Variants in TACR3 observed in about 807,000 individuals in gnomAD.
The protein encoded by TACR3 is tachykinin receptor 3, also known as neuromedin-K receptor.
A neutral mutation model predicts 35.0 loss-of-function variants in TACR3; 34 were observed. The ratio of observed to expected loss-of-function variants is 0.97; its 90% CI spans 0.74 to 1.30. TACR3 has a LOEUF of 1.30. TACR3 is among the 50% of genes most tolerant of loss of function. The pLI, the probability that TACR3 is intolerant of heterozygous loss-of-function variation, is 0.00. For synonymous variants in TACR3, 233 were observed against 221.1 expected, an observed-to-expected ratio of 1.05 and a Z score of -0.48; for missense variants, 558 against 591.7, an observed-to-expected ratio of 0.94 and a Z score of 0.59.
chr4:103,640,007 G>C (rs949280242), intron 3 of TACR3, among the ~76,000 whole-genome samples: 41 of 152,114 alleles, frequency 2.7e-4, no homozygotes, highest in African/African-American at 9.6e-4. Flanking sequence ...ATAGGGCAAA[G>C]TAAGTGAAGA....
chr4:103,645,087 CTT>C (rs945903704), intron 3 of TACR3, among the ~76,000 whole-genome samples: 1 of 151,768 alleles, frequency 6.6e-6, no homozygotes, highest in South Asian at 2.1e-4. Context: ...AAGTTCCAGT[CTT>C]TTCACAAAGC....
Position 103,587,978 on chromosome 4 carries a change from A to ATGTGTG in TACR3, c.*1698_*1703dup, listed in dbSNP as rs58055818. On this transcript the variant is annotated 3_prime_UTR_variant, in exon 5 of 5. Transcript: ENST00000304883. ...TGATTGAATGTGTAGGCACATTTGT[A>ATGTGTG]TGTGTGTGTGTGTGTGTGTGTGTCT... The ATGTGTG allele has an allele frequency of 2.0e-4, 30 of 149,234 alleles. No individual in the cohort carries two copies. Among genetic ancestry groups the ATGTGTG allele is most frequent in the African/African-American group, 6.4e-4 (26 of 40,808 alleles). The allele number at this position is 149,234 out of a possible 1,614,324, so 9.2% of individuals were successfully genotyped here.
At position 103,587,816 on chromosome 4, in the gene TACR3, T is replaced by C. The variant is rs1446218677; in HGVS notation, c.*1866A>G. 6.6e-6 allele frequency: 1 copy of C among 152,144 alleles called. No individual in the cohort carries two copies. The highest frequency in any genetic ancestry group is 1.5e-5 in the Non-Finnish European group (1 of 67,988). 9.4% of individuals were successfully genotyped at this position (152,144 alleles called of 1,614,324 possible). On this transcript the variant is annotated 3_prime_UTR_variant, in exon 5 of 5. Coordinates refer to ENST00000304883, the MANE Select transcript of TACR3 (RefSeq NM_001059.3). ...AAAACATTATATTCAAACAATTAGA[T>C]ACTATATATTAAATTTGCTTATTTA...
chr4:103,604,418 A>T (rs1230688474), intron 3 of TACR3, among the ~76,000 whole-genome samples: 1 of 152,226 alleles, frequency 6.6e-6, no homozygotes, highest in Non-Finnish European at 1.5e-5. Flanking sequence ...TAAACATAAG[A>T]CCGAAAACCA....
intron 3 of TACR3, among the ~76,000 whole-genome samples, chr4:103,647,908 C>A (rs1185149874): frequency 1.3e-5 from 2 of 151,860 alleles, no homozygotes; most frequent in African/African-American, 2.4e-5. Flanking sequence ...CATATTAATT[C>A]AAAGTTTAAA....
In TACR3 at chr4:103,656,194, C is replaced by T. The variant is rs1725730483; in HGVS notation, c.888G>A (p.Lys296=). 1.2e-6 allele frequency: 2 copies of T among 1,612,666 alleles called. No homozygotes were observed. The highest frequency in any genetic ancestry group is 1.7e-6 in the Non-Finnish European group (2 of 1,179,104). Residue 296 remains lysine, a splice_region_variant and synonymous_variant, in exon 3 of 5, where the codon AAG becomes AAA. Transcript: ENST00000304883. The stretch of plus-strand genomic sequence containing the variant: ...CTAGGTAAACAACATGGACCAGTAC[C>T]TTTCTTTTGGCCTTTAGCTGCTCAT... ...KYHEQLKAKR[K]VVKMMIIVVM... is the part of the protein sequence containing the mutation.
At chr4:103,639,630 CA>C (rs747980815) in intron 3 of TACR3, among the ~76,000 whole-genome samples, 5 of 151,600 alleles carry the variant, frequency 3.3e-5, no homozygotes, top group Admixed American at 6.6e-5. Flanking sequence ...CAGTTGACCA[CA>C]AAAAAATGTA....
chr4:103,691,277 A>G (rs1354114170), intron 1 of TACR3, among the ~76,000 whole-genome samples: 1 of 152,180 alleles, frequency 6.6e-6, no homozygotes, highest in African/African-American at 2.4e-5. Context: ...GAAAGAAACA[A>G]ACTCTTGATA....
chr4:103,705,272 A>T (rs1047992851), intron 1 of TACR3, among the ~76,000 whole-genome samples: 16 of 152,168 alleles, frequency 1.1e-4, no homozygotes, highest in Admixed American at 9.8e-4. Context: ...TTGCAATTTC[A>T]TAAAAAATAT....
At chr4:103,612,670 G>A (rs960892690) in intron 3 of TACR3, among the ~76,000 whole-genome samples, 1 of 152,082 alleles carries the variant, frequency 6.6e-6, no homozygotes, top group Non-Finnish European at 1.5e-5. Context: ...CACCACACCA[G>A]CTAATTTTTG....
At chr4:103,597,606 C>T (rs1012300490) in intron 3 of TACR3, among the ~76,000 whole-genome samples, 1 of 150,516 alleles carries the variant, frequency 6.6e-6, no homozygotes, top group Non-Finnish European at 1.5e-5. Flanking sequence ...CCTCCCCCGT[C>T]CCCCCACCCC....
intron 1 of TACR3, among the ~76,000 whole-genome samples, chr4:103,716,680 A>ATG (rs144624435): frequency 0.045 from 6,884 of 152,230 alleles, 507 homozygotes; most frequent in African/African-American, 0.16. Context: ...CAAAAGCCAT[A>ATG]TGTGCCCAAG....
At chr4:103,623,773 A>G (rs1359572243) in intron 3 of TACR3, among the ~76,000 whole-genome samples, 1 of 152,180 alleles carries the variant, frequency 6.6e-6, no homozygotes, top group Non-Finnish European at 1.5e-5. Context: ...GTCTCTATGC[A>G]TAGTCCTTCT....
chr4:103,698,077 T>C (rs919000349), intron 1 of TACR3, among the ~76,000 whole-genome samples: 6 of 152,206 alleles, frequency 3.9e-5, no homozygotes, highest in Non-Finnish European at 7.3e-5. Context: ...GAAACTAGAT[T>C]ATGTAAACCT....
chr4:103,679,528 C>T (rs552079345), intron 1 of TACR3, among the ~76,000 whole-genome samples: 2 of 152,054 alleles, frequency 1.3e-5, no homozygotes, highest in African/African-American at 2.4e-5. Flanking sequence ...GATGTCCTTT[C>T]ATTCTCAGGT....
intron 1 of TACR3, among the ~76,000 whole-genome samples, chr4:103,690,157 C>A (rs548671119): frequency 6.6e-6 from 1 of 152,170 alleles, no homozygotes; most frequent in East Asian, 1.9e-4. Context: ...TATGATTAAA[C>A]CTGCCTTAAG....
chr4:103,637,960 A>C (rs191320587), intron 3 of TACR3, among the ~76,000 whole-genome samples: 1 of 152,166 alleles, frequency 6.6e-6, no homozygotes, highest in Non-Finnish European at 1.5e-5. Context: ...AAATGGAAGA[A>C]TATTCCATGC....
At chr4:103,634,482 A>C (rs765991283) in intron 3 of TACR3, among the ~76,000 whole-genome samples, 2 of 151,300 alleles carry the variant, frequency 1.3e-5, no homozygotes, top group African/African-American at 2.4e-5. Context: ...AAAGGGCATG[A>C]TAGAATGCTG....
chr4:103,718,692 C>T (rs1395595494), intron 1 of TACR3, among the ~76,000 whole-genome samples: 1 of 151,934 alleles, frequency 6.6e-6, no homozygotes, highest in African/African-American at 2.4e-5. Context: ...GGTGGAGGGG[C>T]GACTCATTTA....
Sources: gnomAD v4.1 joint callset for allele counts (sites outside exome capture counted in the v4.1 genomes callset) on GRCh38, gnomAD v4.1.1 for gene constraint, MANE v1.5 for transcripts, NCBI Gene and HGNC (gene_info 2026-07-23, HGNC 2026-07-21) for gene names.